Variants in SRFBP1 observed in about 807,000 individuals in gnomAD.
The protein encoded by SRFBP1 is serum response factor-binding protein 1.
A neutral mutation model predicts 45.5 loss-of-function variants in SRFBP1; 47 were observed. The observed-to-expected ratio is 1.03, with a 90% CI of 0.82 to 1.32. SRFBP1 has a LOEUF of 1.32. Ranked by LOEUF, SRFBP1 falls within the 40% of genes most tolerant of loss-of-function variation. The probability of loss-of-function intolerance (pLI) is 0.00; values close to 1 mark genes in which losing one functional copy is unlikely to be tolerated. For synonymous variants in SRFBP1, 203 were observed against 166.3 expected (o/e 1.22, Z -1.70); for missense variants, 621 against 484.6 (o/e 1.28, Z -2.64).
chr5:122,053,905 A>C (rs1331526016), intron 2 of SRFBP1, among the ~76,000 whole-genome samples: 1 of 152,052 alleles, frequency 6.6e-6, no homozygotes, highest in African/African-American at 2.4e-5. Flanking sequence ...CTGAGTTCAC[A>C]CAAAAACAGG....
At chr5:122,058,181 C>G (rs1754115647) in intron 2 of SRFBP1, among the ~76,000 whole-genome samples, 1 of 152,072 alleles carries the variant, frequency 6.6e-6, no homozygotes, top group South Asian at 2.1e-4. Flanking sequence ...GATTTATTGG[C>G]AATGTTCAGT....
chr5:121,966,762 AT>A (rs199744091), intron 1 of SRFBP1, among the ~76,000 whole-genome samples: 4,685 of 150,400 alleles, frequency 0.031, 212 homozygotes, highest in African/African-American at 0.093. Flanking sequence ...CTGACATTTT[AT>A]TTTTTTTTAT....
downstream of SRFBP1, chr5:122,078,173 C>A: frequency 2.0e-6 from 1 of 487,874 alleles, no homozygotes; most frequent in Non-Finnish European, 3.4e-6. Context: ...GGCGGCTGCT[C>A]GGACGTGGCA....
At chr5:122,007,318 T>C (rs972148636) in intron 4 of SRFBP1, among the ~76,000 whole-genome samples, 3 of 152,040 alleles carry the variant, frequency 2.0e-5, no homozygotes, top group Admixed American at 2.0e-4. Flanking sequence ...GAGATGGACC[T>C]GGACCCTGGG....
chr5:122,077,780 C>G, downstream of SRFBP1: 1 of 1,548,436 alleles, frequency 6.5e-7, no homozygotes, highest in Non-Finnish European at 8.7e-7. This position sits in a 1 kb window ranked among gnomAD's most constrained non-coding sequence, Gnocchi z 4.9. Flanking sequence ...CGGGTCCCGG[C>G]GGCGCTGAGG....
downstream of SRFBP1, among the ~76,000 whole-genome samples, chr5:122,028,773 G>T (rs936541639): frequency 1.3e-5 from 2 of 152,142 alleles, no homozygotes; most frequent in Non-Finnish European, 2.9e-5. Context: ...AAATGTCTCT[G>T]TACCTACCCA....
chr5:122,077,778 G>GTGA, downstream of SRFBP1: 1 of 1,548,948 alleles, frequency 6.5e-7, no homozygotes, highest in Non-Finnish European at 8.7e-7. The surrounding 1 kb of genome is among the most constrained non-coding windows in gnomAD (Gnocchi z 4.9). Context: ...CCCGGGTCCC[G>GTGA]GCGGCGCTGA....
intron 3 of SRFBP1, among the ~76,000 whole-genome samples, chr5:121,989,315 C>G (rs977201811): frequency 6.6e-6 from 1 of 152,024 alleles, no homozygotes; most frequent in African/African-American, 2.4e-5. Context: ...ATCCGCCCAC[C>G]TCAGCCTCCC....
chr5:122,042,642 ATTAG>A (rs147632689), intron 2 of SRFBP1, among the ~76,000 whole-genome samples: 156 of 152,310 alleles, frequency 1.0e-3, no homozygotes, highest in Non-Finnish European at 1.7e-3. Context: ...TCTTTTCTAG[ATTAG>A]TTAGTTAACA....
At chr5:121,989,467 T>C (rs1752581453) in intron 3 of SRFBP1, among the ~76,000 whole-genome samples, 2 of 152,170 alleles carry the variant, frequency 1.3e-5, no homozygotes, top group African/African-American at 4.8e-5. Context: ...TGTAACAGTA[T>C]CATATAAGCA....
intron 3 of SRFBP1, among the ~76,000 whole-genome samples, chr5:121,984,576 A>G (rs1471158024): frequency 6.6e-6 from 1 of 151,772 alleles, no homozygotes; most frequent in Non-Finnish European, 1.5e-5. Context: ...ATAGCAGTAT[A>G]TAATTTTTGT....
intron 3 of SRFBP1, among the ~76,000 whole-genome samples, chr5:121,977,508 TAAAGCA>T (rs1752327473): frequency 2.0e-5 from 3 of 152,226 alleles, no homozygotes; most frequent in Middle Eastern, 6.8e-3. Flanking sequence ...AGCAAATAAA[TAAAGCA>T]TTTTTCTTAA....
At chr5:121,965,882 G>C (rs1752053506) in intron 1 of SRFBP1, among the ~76,000 whole-genome samples, 1 of 152,026 alleles carries the variant, frequency 6.6e-6, no homozygotes. Flanking sequence ...GTGGTTTGTA[G>C]TTCTTGAAGA....
At chr5:121,972,696 TG>T (rs1297415212) in intron 1 of SRFBP1, among the ~76,000 whole-genome samples, 1 of 151,806 alleles carries the variant, frequency 6.6e-6, no homozygotes, top group African/African-American at 2.4e-5. Flanking sequence ...GTGGTCCTAA[TG>T]AAGTCAAAGA....
rs561637801 is a variant in SRFBP1 at position 122,051,771 on chromosome 5, A to G, written n.312-23544A>G. Reference sequence around the variant, plus strand: ...ATTTACATTCAAGGCGAATATTGATATGTGTGGATTTGATCCTGTCATCAT... The same window carrying G: ...ATTTACATTCAAGGCGAATATTGATGTGTGTGGATTTGATCCTGTCATCAT... On this transcript the variant is annotated intron_variant and non_coding_transcript_variant, in intron 2 of 2. Coordinates refer to the SRFBP1 transcript ENST00000504881. Among the ~76,000 whole-genome samples the G allele has an allele frequency of 3.9e-4, 60 of 152,108 alleles. No homozygotes were observed. In the South Asian group the frequency reaches 5.6e-3, roughly 14 times the overall value.
chr5:121,981,923 G>C (rs1041926158), intron 3 of SRFBP1, among the ~76,000 whole-genome samples: 1 of 151,734 alleles, frequency 6.6e-6, no homozygotes, highest in African/African-American at 2.4e-5. Flanking sequence ...CTGATACATA[G>C]TGAACGCTGC....
chr5:121,999,237 A>G (rs1236177596), intron 4 of SRFBP1, among the ~76,000 whole-genome samples: 1 of 152,148 alleles, frequency 6.6e-6, no homozygotes, highest in African/African-American at 2.4e-5. Context: ...TCATGGTTTA[A>G]TTCGAAATGT....
Position 122,015,221 on chromosome 5 carries a change from G to T in SRFBP1, c.271-4039G>T, listed in dbSNP as rs1013944936. Among the ~76,000 whole-genome samples the T allele has an allele frequency of 2.0e-5, 3 of 152,094 alleles. 1 individual carries two copies. The highest frequency in any genetic ancestry group is 2.0e-4 in the Admixed American group (3 of 15,276). ...CCAACCTTCTGTAATTAATCCTGAG[G>T]ATTAAAATATACTGCTTCTTCATTG... is the stretch of plus-strand genomic sequence containing the variant. On this transcript the variant is annotated intron_variant, in intron 4 of 7. Coordinates refer to ENST00000339397, the MANE Select transcript of SRFBP1 (RefSeq NM_152546.3).
chr5:122,069,702 G>A (rs6879333), intron 2 of SRFBP1, among the ~76,000 whole-genome samples: 3,868 of 152,128 alleles, frequency 0.025, 174 homozygotes, highest in African/African-American at 0.088. Context: ...CAGGGACTGC[G>A]AGGAAGGGGC....
Sources: allele counts gnomAD v4.1 joint callset (sites outside exome capture counted in the v4.1 genomes callset), GRCh38; gene constraint gnomAD v4.1.1; non-coding constraint Gnocchi (gnomAD v3.1); transcripts MANE v1.5; gene names NCBI Gene and HGNC (gene_info 2026-07-23, HGNC 2026-07-21).